The following SLFN12 variants were observed in gnomAD, a reference collection of about 807,000 sequenced individuals.
SLFN12 encodes ribonuclease SLFN12.
Under a neutral mutation model 29.1 loss-of-function variants are expected in SLFN12, and 25 were observed. The ratio of observed to expected loss-of-function variants is 0.86; its 90% CI spans 0.63 to 1.20. The LOEUF (loss-of-function observed/expected upper bound fraction) is 1.20, where lower values mean the gene tolerates loss of function less well. Among genes scored for constraint, SLFN12 ranks in the 50% most tolerant of loss-of-function variants. The probability of loss-of-function intolerance (pLI) is 0.00; values close to 1 mark genes in which losing one functional copy is unlikely to be tolerated. For synonymous variants in SLFN12, 257 were observed against 238.7 expected (o/e 1.08, Z -0.71); for missense variants, 660 against 666.2 (o/e 0.99, Z 0.10).
intron 3 of SLFN12, among the ~76,000 whole-genome samples, chr17:35,417,010 T>C (rs1290309411): frequency 1.3e-5 from 2 of 152,096 alleles, no homozygotes; most frequent in Non-Finnish European, 2.9e-5. Context: ...TCTAATCTTA[T>C]ATAAATTTTT....
At position 35,420,399 on chromosome 17, in the gene SLFN12, C is replaced by T. The variant is rs527818674; in HGVS notation, c.1040-18G>A. ...GGAAAATTCTTAAAAACAAAAATAT[C>T]ACATTCTTAATTTCGCAGAAGGGAG... On this transcript the variant is annotated intron_variant, in intron 2 of 3. Transcript: ENST00000304905. The T allele has an allele frequency of 2.6e-5, 40 of 1,552,728 alleles. No individual in the cohort carries two copies. The South Asian group carries it at 4.1e-4, about 16-fold the overall frequency.
At chr17:35,429,416 G>A (rs536491432) in intron 1 of SLFN12, among the ~76,000 whole-genome samples, 107 of 152,218 alleles carry the variant, frequency 7.0e-4, no homozygotes, top group African/African-American at 2.5e-3. Flanking sequence ...CTTAAAAAAT[G>A]AGCTGGGGAT....
chr17:35,425,219 T>A (rs1331563749), intron 1 of SLFN12, among the ~76,000 whole-genome samples: 1 of 152,138 alleles, frequency 6.6e-6, no homozygotes, highest in Non-Finnish European at 1.5e-5. Flanking sequence ...ATCACTTGAA[T>A]CCAGGAGTCC....
At chr17:35,419,333 A>G (rs957347482) in intron 3 of SLFN12, among the ~76,000 whole-genome samples, 1 of 152,116 alleles carries the variant, frequency 6.6e-6, no homozygotes, top group African/African-American at 2.4e-5. Flanking sequence ...AATGCAAGCC[A>G]CCAGCTTGGA....
intron 1 of SLFN12, among the ~76,000 whole-genome samples, chr17:35,428,592 T>C (rs1407268423): frequency 6.6e-6 from 1 of 152,082 alleles, no homozygotes; most frequent in Non-Finnish European, 1.5e-5. Context: ...CTAGCATTCA[T>C]TCAAATAGGC....
In SLFN12 at chr17:35,411,366, A is replaced by G. The variant is rs754761312; in HGVS notation, c.1709T>C (p.Met570Thr). The change falls in exon 4 of 4, where the codon ATG becomes ACG. Residue 570 changes from methionine (M) to threonine (T), a missense_variant. Met to Thr is a moderately conservative substitution (Grantham distance 81, BLOSUM62 -1). Coordinates refer to ENST00000304905, the MANE Select transcript of SLFN12 (RefSeq NM_018042.5). ...GGTGAGCCTTCGACAAGATTTAAAC[A>G]TCTTTTTATCATTCTTCTGAAAGCA... ...IDCFQKNDKKMFKSCRRLT is the reference protein window; with the variant it reads ...IDCFQKNDKKTFKSCRRLT 6.4e-7 allele frequency: 1 copy of G among 1,565,316 alleles called. No homozygotes were observed. The highest frequency in any genetic ancestry group is 8.6e-7 in the Non-Finnish European group (1 of 1,158,432).
At chr17:35,421,740 C>T (rs1222505426) in intron 2 of SLFN12, among the ~76,000 whole-genome samples, 4 of 151,860 alleles carry the variant, frequency 2.6e-5, no homozygotes, top group Admixed American at 2.6e-4. Flanking sequence ...GGGGTTTCAC[C>T]ATCTTAGCCA....
rs58492425 is a variant in SLFN12 at position 35,425,838 on chromosome 17, C to CTTTTTTT, written c.-40-2777_-40-2771dup. Among the ~76,000 whole-genome samples, 147 of 39,134 alleles carry CTTTTTTT rather than the reference C, an allele frequency of 3.8e-3. 16 individuals are homozygous for CTTTTTTT. Among genetic ancestry groups the CTTTTTTT allele is most frequent in the Middle Eastern group, 0.042 (2 of 48 alleles). The allele number at this position is 39,134 out of a possible 152,430, so 25.7% of individuals were successfully genotyped here. On this transcript the variant is annotated intron_variant, in intron 1 of 3. Transcript: ENST00000304905. ...GGTTCTTTTTCTTTTCTTTTCTTTT[C>CTTTTTTT]TTTTTTTTTTTTTTTTTTTTTTTTT... is the stretch of plus-strand genomic sequence containing the variant.
chr17:35,419,351 T>A (rs72483215), intron 3 of SLFN12, among the ~76,000 whole-genome samples: 14,229 of 152,020 alleles, frequency 0.094, 817 homozygotes, highest in South Asian at 0.28. Flanking sequence ...GGAGAAAACA[T>A]TTGGTAGTCG....
At chr17:35,413,749 CAAAAA>C (rs11362952) in intron 3 of SLFN12, among the ~76,000 whole-genome samples, 1 of 78,418 alleles carries the variant, frequency 1.3e-5, no homozygotes. Context: ...AACCATGTCT[CAAAAA>C]AAAAAAAAAA....
rs191768608 is a variant in SLFN12, at chr17:35,412,635, A to T, written c.1148-708T>A. Among the ~76,000 whole-genome samples, 7 of 152,260 alleles carry T rather than the reference A, an allele frequency of 4.6e-5. No individual in the cohort carries two copies. In the East Asian group the frequency reaches 1.4e-3, roughly 29 times the overall value. ...CTAACTACCTGTCAGAAGTAAATAT[A>T]GCCCTTTTTGGAGAAATGTAATATC... On this transcript the variant is annotated intron_variant, in intron 3 of 3. Transcript: ENST00000304905.
intron 3 of SLFN12, among the ~76,000 whole-genome samples, chr17:35,417,382 A>G (rs1191101985): frequency 6.6e-6 from 1 of 152,160 alleles, no homozygotes; most frequent in Non-Finnish European, 1.5e-5. Context: ...AGTAAACTAG[A>G]AATATCATTA....
rs1015306942 is a variant in SLFN12 at position 35,432,272 on chromosome 17, A to C, written c.-125T>G. ...TGAACAAAGAACTGGACAAACACAC[A>C]AACAAAGCAAGGAAAGAATGAAGCA... On this transcript the variant is annotated 5_prime_UTR_variant, in exon 1 of 4. Coordinates refer to ENST00000304905, the MANE Select transcript of SLFN12 (RefSeq NM_018042.5). 1 of 152,254 alleles carries C rather than the reference A, an allele frequency of 6.6e-6. No individual in the cohort carries two copies. The highest frequency in any genetic ancestry group is 1.5e-5 in the Non-Finnish European group (1 of 68,082). 9.4% of individuals were successfully genotyped at this position (152,254 alleles called of 1,614,324 possible). A position where few individuals can be genotyped will look rare whatever the true frequency, so the allele number is the denominator to read the frequency against.
chr17:35,417,822 C>T (rs1042503036), intron 3 of SLFN12, among the ~76,000 whole-genome samples: 1 of 151,842 alleles, frequency 6.6e-6, no homozygotes, highest in Non-Finnish European at 1.5e-5. Flanking sequence ...CATTTCTACA[C>T]ATTAGCAATA....
intron 1 of SLFN12, among the ~76,000 whole-genome samples, chr17:35,427,795 T>G (rs1305996620): frequency 6.6e-6 from 1 of 152,182 alleles, no homozygotes; most frequent in Non-Finnish European, 1.5e-5. Flanking sequence ...ATAATTATAC[T>G]AGAATCTTGA....
chr17:35,413,749 CA>C (rs11362952), intron 3 of SLFN12, among the ~76,000 whole-genome samples: 12,141 of 78,260 alleles, frequency 0.16, 1,493 homozygotes, highest in African/African-American at 0.4. Context: ...AACCATGTCT[CA>C]AAAAAAAAAA....
intron 3 of SLFN12, among the ~76,000 whole-genome samples, chr17:35,418,146 T>G (rs1359275405): frequency 6.6e-6 from 1 of 152,076 alleles, no homozygotes; most frequent in Non-Finnish European, 1.5e-5. Flanking sequence ...AAAAATTGCC[T>G]AGACACTCTC....
At position 35,411,171 on chromosome 17, in the gene SLFN12, A is replaced by T. The variant is rs117255107; in HGVS notation, c.*167T>A. The T allele has an allele frequency of 3.7e-6, 2 of 542,262 alleles. No individual in the cohort carries two copies. The highest frequency in any genetic ancestry group is 6.1e-5 in the East Asian group (2 of 32,528). 33.6% of individuals were successfully genotyped at this position (542,262 alleles called of 1,614,324 possible). A position where few individuals can be genotyped will look rare whatever the true frequency, so the allele number is the denominator to read the frequency against. On this transcript the variant is annotated 3_prime_UTR_variant, in exon 4 of 4. Transcript: ENST00000304905. Reference sequence around the variant, plus strand: ...ATTTTCCTAATATCCCTCAAACAATATCTGTGAAGATTATTTAGGGAGAAG... The same window carrying T: ...ATTTTCCTAATATCCCTCAAACAATTTCTGTGAAGATTATTTAGGGAGAAG...
chr17:35,412,269 G>A (rs1437911244), intron 3 of SLFN12, among the ~76,000 whole-genome samples: 1 of 152,080 alleles, frequency 6.6e-6, no homozygotes, highest in Non-Finnish European at 1.5e-5. Flanking sequence ...GCTGGAATAT[G>A]AGAAGTAAAA....
Sources: gnomAD v4.1 joint callset for allele counts (sites outside exome capture counted in the v4.1 genomes callset) on GRCh38, gnomAD v4.1.1 for gene constraint, MANE v1.5 for transcripts, NCBI Gene and HGNC (gene_info 2026-07-23, HGNC 2026-07-21) for gene names.